The following ADD2 variants were observed in gnomAD, a reference collection of about 807,000 sequenced individuals.
The protein encoded by ADD2 is adducin 2.
A neutral mutation model predicts 83.0 loss-of-function variants in ADD2; 23 were observed. The observed-to-expected ratio is 0.28, with a 90% CI of 0.20 to 0.39. The LOEUF is 0.39. Ranked by LOEUF, ADD2 falls within the 10% of genes least tolerant of loss-of-function variation. The pLI is 1.00. For synonymous variants in ADD2, 375 were observed against 375.4 expected, an observed-to-expected ratio of 1.00 and a Z score of 0.01; for missense variants, 758 against 944.9, an observed-to-expected ratio of 0.80 and a Z score of 2.59.
Position 70,706,185 on chromosome 2 carries a change from C to A in ADD2, c.183+41G>T. The A allele has an allele frequency of 6.3e-7, 1 of 1,596,766 alleles. No individual in the cohort carries two copies. Among genetic ancestry groups the A allele is most frequent in the Non-Finnish European group, 8.6e-7 (1 of 1,168,888 alleles). On this transcript the variant is annotated intron_variant, in intron 3 of 15. Transcript: ENST00000264436. The surrounding 1 kb of genome is among the most constrained non-coding windows in gnomAD (Gnocchi z 5.0). Reference sequence around the variant, plus strand: ...GTGGGTACACGTCCTGAAGAGCCAGCGCCCCCTGCGCCCTCTCCCGCCCGG... The same window carrying A: ...GTGGGTACACGTCCTGAAGAGCCAGAGCCCCCTGCGCCCTCTCCCGCCCGG...
In ADD2 at chr2:70,713,191, AAC is replaced by A. The variant is rs1246970051; in HGVS notation, c.-153-9_-153-8del. 2.0e-6 allele frequency: 2 copies of A among 980,416 alleles called. No individual in the cohort carries two copies. Among genetic ancestry groups the A allele is most frequent in the Non-Finnish European group, 2.4e-6 (2 of 825,514 alleles). 60.7% of individuals were successfully genotyped at this position (980,416 alleles called of 1,614,324 possible). A position where few individuals can be genotyped will look rare whatever the true frequency, so the allele number is the denominator to read the frequency against. ...TCAAACATCCAGGTGGAAACTGCAA[AAC>A]ACAAACACGACAAGTGTCAGGGCCT... On this transcript the variant is annotated splice_polypyrimidine_tract_variant and splice_region_variant and intron_variant, in intron 1 of 15. Transcript: ENST00000264436.
rs911244633 is a variant in ADD2 at position 70,762,655 on chromosome 2, A to G, written c.-154+5231T>C. Among the ~76,000 whole-genome samples the G allele has an allele frequency of 4.0e-5, 6 of 150,064 alleles. No individual in the cohort carries two copies. In the East Asian group the frequency reaches 1.2e-3, roughly 29 times the overall value. ...AATATAACTATATTATATGGATTTA[A>G]AGGGCATGCTAAAGGACATAGCAAA... is the stretch of plus-strand genomic sequence containing the variant. On this transcript the variant is annotated intron_variant, in intron 1 of 15. Transcript: ENST00000264436.
At position 70,676,096 on chromosome 2, in the gene ADD2, T is replaced by G. The variant is rs375877492; in HGVS notation, c.1593+700A>C. The G allele has an allele frequency of 3.0e-6, 3 of 985,414 alleles. No homozygotes were observed. The allele number at this position is 985,414 out of a possible 1,614,324, so 61.0% of individuals were successfully genotyped here. On this transcript the variant is annotated intron_variant, in intron 13 of 15. Transcript: ENST00000264436. The surrounding 1 kb of genome is among the most constrained non-coding windows in gnomAD (Gnocchi z 4.8). ...ACAATTTGCCCTGCAGAGAGGAACATTTCCTGTATTTCCCCAATTTTTACT... is the reference window on the plus strand; with the variant it reads ...ACAATTTGCCCTGCAGAGAGGAACAGTTCCTGTATTTCCCCAATTTTTACT...
In ADD2 at chr2:70,749,943, G is replaced by A. The variant is rs143365868; in HGVS notation, c.-154+17943C>T. 2.6e-3 allele frequency among the ~76,000 whole-genome samples: 403 copies of A among 152,280 alleles called. 2 individuals carry two copies. Among genetic ancestry groups the A allele is most frequent in the African/African-American group, 9.3e-3 (387 of 41,548 alleles). On this transcript the variant is annotated intron_variant, in intron 1 of 15. Transcript: ENST00000264436. The stretch of plus-strand genomic sequence containing the variant: ...TAGGTTTCTGCTTCATGCAGCTGGA[G>A]GCAATTCTTAACCAATATAGAGTGT...
At chr2:70,755,984 G>A (rs1361349685) in intron 1 of ADD2, among the ~76,000 whole-genome samples, 4 of 151,404 alleles carry the variant, frequency 2.6e-5, no homozygotes, top group South Asian at 2.1e-4. Context: ...GCTTGAACCC[G>A]GGAGGCAGAG....
chr2:70,697,670 A>T (rs1654002098), intron 4 of ADD2, among the ~76,000 whole-genome samples: 1 of 152,228 alleles, frequency 6.6e-6, no homozygotes, highest in Admixed American at 6.5e-5. Flanking sequence ...AACTTGCTGC[A>T]GTACGATGTA....
chr2:70,692,317 T>C, intron 7 of ADD2, 86 bp downstream of exon 7: 2 of 1,407,264 alleles, frequency 1.4e-6, no homozygotes, highest in Non-Finnish European at 1.9e-6. Flanking sequence ...GTTCTAGATC[T>C]TTCCAGACTG....
At chr2:70,678,566 AG>A (rs1353173584) in intron 11 of ADD2, 137 bp downstream of exon 11, 16 of 1,248,638 alleles carry the variant, frequency 1.3e-5, no homozygotes, top group Non-Finnish European at 1.7e-5. Flanking sequence ...CTGCTCCCAG[AG>A]GCCTAATAGG....
chr2:70,683,681 C>T lies in ADD2; in HGVS notation c.1035G>A (p.Val345=), dbSNP rs1553370003. The T allele has an allele frequency of 1.2e-6, 2 of 1,614,192 alleles. No individual in the cohort carries two copies. The highest frequency in any genetic ancestry group is 1.1e-5 in the South Asian group (1 of 91,084). ...EKHRPHEVGS[V]QWAGSTFGPM... Reference sequence around the variant, plus strand: ...GCCCAAAGGTGCTCCCGGCCCACTGCACGGAGCCCACCTCATGGGGCCGGT... The same window carrying T: ...GCCCAAAGGTGCTCCCGGCCCACTGTACGGAGCCCACCTCATGGGGCCGGT... The change falls in exon 10 of 16, where the codon GTG becomes GTA. Residue 345 remains valine, a synonymous_variant. Transcript: ENST00000264436.
At chr2:70,699,356 G>A (rs1266408975) in intron 4 of ADD2, among the ~76,000 whole-genome samples, 2 of 152,092 alleles carry the variant, frequency 1.3e-5, no homozygotes, top group Non-Finnish European at 2.9e-5. Context: ...ACAGGGATAA[G>A]GGGAAAATAT....
At chr2:70,724,942 A>G (rs892443984) in intron 1 of ADD2, among the ~76,000 whole-genome samples, 4 of 152,224 alleles carry the variant, frequency 2.6e-5, no homozygotes, top group Non-Finnish European at 5.9e-5. Flanking sequence ...CCCTGATGCC[A>G]TCTCTCTCCT....
Position 70,764,683 on chromosome 2 carries a change from G to A in ADD2, c.-154+3203C>T, listed in dbSNP as rs1212057908. On this transcript the variant is annotated intron_variant, in intron 1 of 15. Transcript: ENST00000264436. Reference sequence around the variant, plus strand: ...CCTGTAGTCACAGCTACTCAGGAGGGAGAGGTGGGAGGATCGCTTGAGCCC... The same window carrying A: ...CCTGTAGTCACAGCTACTCAGGAGGAAGAGGTGGGAGGATCGCTTGAGCCC... Among the ~76,000 whole-genome samples, 3 of 151,958 alleles carry A rather than the reference G, an allele frequency of 2.0e-5. No homozygotes were observed. In the East Asian group the frequency reaches 5.8e-4, roughly 29 times the overall value.
At position 70,692,805 on chromosome 2, in the gene ADD2, G is replaced by A. The variant is rs568772817; in HGVS notation, c.556-253C>T. ...GCAGAGTTTCTCAGACTTTGTTCACGTGAATCACCTGAAGCCCAGTCAAAT... is the reference window on the plus strand; with the variant it reads ...GCAGAGTTTCTCAGACTTTGTTCACATGAATCACCTGAAGCCCAGTCAAAT... On this transcript the variant is annotated intron_variant, in intron 6 of 15. Transcript: ENST00000264436. Among the ~76,000 whole-genome samples the A allele has an allele frequency of 7.3e-4, 111 of 152,320 alleles. 1 individual carries two copies. The highest frequency in any genetic ancestry group is 2.6e-3 in the African/African-American group (110 of 41,572).
chr2:70,672,735 G>C, intron 15 of ADD2, 143 bp downstream of exon 15: 1 of 932,120 alleles, frequency 1.1e-6, no homozygotes. Context: ...CATGAAACTT[G>C]ATAACCCCTA....
intron 2 of ADD2, among the ~76,000 whole-genome samples, chr2:70,707,387 C>T (rs1671959066): frequency 6.6e-6 from 1 of 152,240 alleles, no homozygotes; most frequent in Non-Finnish European, 1.5e-5. Flanking sequence ...GGAGCAAGGA[C>T]CACGACAGCC....
intron 1 of ADD2, among the ~76,000 whole-genome samples, chr2:70,748,739 A>G (rs1181727902): frequency 6.6e-6 from 1 of 152,228 alleles, no homozygotes. Context: ...CATTTCAAGT[A>G]TATTACTTTA....
intron 1 of ADD2, among the ~76,000 whole-genome samples, chr2:70,740,849 GC>G (rs1553380964): frequency 1.3e-5 from 2 of 152,138 alleles, no homozygotes; most frequent in African/African-American, 4.8e-5. Context: ...ACAGGCGTGT[GC>G]CACTATGCCT....
At chr2:70,742,209 C>T (rs1330150208) in intron 1 of ADD2, among the ~76,000 whole-genome samples, 1 of 152,222 alleles carries the variant, frequency 6.6e-6, no homozygotes, top group Non-Finnish European at 1.5e-5. Flanking sequence ...GATTTAAGAA[C>T]TACCCAAAAC....
chr2:70,738,772 T>C (rs895038251), intron 1 of ADD2, among the ~76,000 whole-genome samples: 12 of 152,228 alleles, frequency 7.9e-5, no homozygotes, highest in African/African-American at 2.7e-4. Flanking sequence ...TCTAGGCTAC[T>C]TGTAAAGAGA....
Sources: gnomAD v4.1 joint callset for allele counts (sites outside exome capture counted in the v4.1 genomes callset) on GRCh38, gnomAD v4.1.1 for gene constraint, Gnocchi (gnomAD v3.1) non-coding constraint, MANE v1.5 for transcripts, NCBI Gene and HGNC (gene_info 2026-07-23, HGNC 2026-07-21) for gene names.